The following CLASP1 variants were observed in gnomAD, a reference collection of about 807,000 sequenced individuals.
CLASP1 encodes CLIP-associating protein 1.
CLASP1 carries 38 observed loss-of-function variants against 192.3 expected under a neutral mutation model. The observed-to-expected ratio is 0.20, with a 90% CI of 0.15 to 0.26. The LOEUF (loss-of-function observed/expected upper bound fraction) is 0.26. Ranked by LOEUF, CLASP1 falls within the 10% of genes least tolerant of loss-of-function variation. The pLI is 1.00. For missense variants in CLASP1, 1,433 were observed against 1,932.5 expected (o/e 0.74, Z 4.85); for synonymous variants, 691 against 712.8 (o/e 0.97, Z 0.49).
chr2:121,424,620 A>G (rs1479712025), intron 22 of CLASP1, among the ~76,000 whole-genome samples: 1 of 152,244 alleles, frequency 6.6e-6, no homozygotes, highest in Non-Finnish European at 1.5e-5. Context: ...AAAACTAAAT[A>G]TTATGTATTG....
At chr2:121,457,906 C>G in intron 13 of CLASP1, 149 bp from the exon 14 acceptor site, 1 of 585,370 alleles carries the variant, frequency 1.7e-6, no homozygotes. Flanking sequence ...AAAGAATTCA[C>G]AGGATATTGT....
chr2:121,531,120 G>C (rs117072693), intron 2 of CLASP1: 14 of 628,834 alleles, frequency 2.2e-5, no homozygotes, highest in South Asian at 1.4e-4. Flanking sequence ...TTTTAGTGTC[G>C]CAAGTAAAGT....
At chr2:121,642,286 G>A (rs115337047) in intron 1 of CLASP1, among the ~76,000 whole-genome samples, 38 of 150,686 alleles carry the variant, frequency 2.5e-4, no homozygotes, top group Admixed American at 6.6e-4. Context: ...GGGTGGTGGC[G>A]CACACCTGGC....
At chr2:121,509,709 A>T (rs1402887424) in intron 7 of CLASP1, among the ~76,000 whole-genome samples, 1 of 152,118 alleles carries the variant, frequency 6.6e-6, no homozygotes, top group Admixed American at 6.5e-5. Context: ...GTGGTGGTAT[A>T]CATCTGTAAT....
At chr2:121,478,780 CACCCCACACACACCACACACCACA>C (rs2092099756) in intron 8 of CLASP1, among the ~76,000 whole-genome samples, 6 of 85,984 alleles carry the variant, frequency 7.0e-5, no homozygotes, top group Non-Finnish European at 1.2e-4. Flanking sequence ...CCCACACACA[CACCCCACACACACCACACACCACA>C]CACACACCCC....
chr2:121,373,103 G>T (rs866140731), intron 34 of CLASP1, among the ~76,000 whole-genome samples: 28 of 152,320 alleles, frequency 1.8e-4, no homozygotes, highest in African/African-American at 6.7e-4. Flanking sequence ...AATGTTCGGT[G>T]AGGAACCTGG....
intron 8 of CLASP1, among the ~76,000 whole-genome samples, chr2:121,484,938 G>A (rs1210742422): frequency 2.0e-5 from 3 of 152,176 alleles, no homozygotes; most frequent in Non-Finnish European, 4.4e-5. Flanking sequence ...AAACATTCAT[G>A]CTAACTGCCC....
intron 30 of CLASP1, among the ~76,000 whole-genome samples, chr2:121,396,657 T>C (rs1353386981): frequency 6.6e-6 from 1 of 152,226 alleles, no homozygotes; most frequent in Non-Finnish European, 1.5e-5. Flanking sequence ...AATACTTAAG[T>C]AACATTCCAT....
At chr2:121,356,803 A>C (rs966653569) in intron 37 of CLASP1, among the ~76,000 whole-genome samples, 2 of 152,132 alleles carry the variant, frequency 1.3e-5, no homozygotes, top group African/African-American at 4.8e-5. Context: ...AACACAATGG[A>C]TATCTTCAAA....
chr2:121,598,025 G>C (rs1375229336), intron 2 of CLASP1, among the ~76,000 whole-genome samples: 2 of 152,190 alleles, frequency 1.3e-5, no homozygotes, highest in African/African-American at 2.4e-5. Flanking sequence ...TTCCCTTTCT[G>C]CAAGTTTTAA....
At chr2:121,535,239 G>A (rs1453003805) in intron 2 of CLASP1, among the ~76,000 whole-genome samples, 4 of 152,178 alleles carry the variant, frequency 2.6e-5, no homozygotes, top group Non-Finnish European at 5.9e-5. Flanking sequence ...AGTGGAGATC[G>A]TGCCACTGCA....
At chr2:121,645,528 T>C (rs896196241) in intron 1 of CLASP1, among the ~76,000 whole-genome samples, 4 of 152,228 alleles carry the variant, frequency 2.6e-5, no homozygotes, top group Admixed American at 6.5e-5. Flanking sequence ...TCATACATTC[T>C]ACAGTTTCCA....
At chr2:121,503,184 A>T (rs1415708971) in exon 8 of CLASP1, 2 of 1,550,242 alleles carry the variant, frequency 1.3e-6, no homozygotes, top group South Asian at 1.2e-5. Flanking sequence ...AGATTGTATC[A>T]TGTTTCCAGA....
chr2:121,381,579 C>CATG (rs899581381), intron 33 of CLASP1, among the ~76,000 whole-genome samples: 1 of 152,202 alleles, frequency 6.6e-6, no homozygotes, highest in Non-Finnish European at 1.5e-5. Flanking sequence ...AACCAGTGTC[C>CATG]ATGATGCCGC....
At chr2:121,477,015 T>G (rs561572210) in intron 8 of CLASP1, among the ~76,000 whole-genome samples, 4 of 152,360 alleles carry the variant, frequency 2.6e-5, no homozygotes, top group Non-Finnish European at 5.9e-5. Flanking sequence ...CTATGCATTC[T>G]TGAAAACACA....
At chr2:121,403,530 T>C (rs1208087733) in intron 26 of CLASP1, 2 of 456,392 alleles carry the variant, frequency 4.4e-6, no homozygotes, top group Non-Finnish European at 8.8e-6. Flanking sequence ...CTAGGAAAAC[T>C]GTAGTTGATC....
At chr2:121,627,579 C>T (rs2068625635) in intron 1 of CLASP1, among the ~76,000 whole-genome samples, 3 of 152,244 alleles carry the variant, frequency 2.0e-5, no homozygotes, top group Admixed American at 6.5e-5. Context: ...GGTAAAGCTA[C>T]ACCTTAGGTG....
chr2:121,522,212 G>C (rs2094474131), intron 6 of CLASP1, among the ~76,000 whole-genome samples: 1 of 152,146 alleles, frequency 6.6e-6, no homozygotes, highest in African/African-American at 2.4e-5. Context: ...TTTTCAGAGT[G>C]CTCAATTTGG....
chr2:121,580,356 G>A (rs1216794210), intron 2 of CLASP1, among the ~76,000 whole-genome samples: 1 of 152,114 alleles, frequency 6.6e-6, no homozygotes, highest in Non-Finnish European at 1.5e-5. Flanking sequence ...ACTTGTAGAA[G>A]AAAATTTTAA....
Sources: gnomAD v4.1 joint callset for allele counts (sites outside exome capture counted in the v4.1 genomes callset) on GRCh38, gnomAD v4.1.1 for gene constraint, MANE v1.5 for transcripts, NCBI Gene and HGNC (gene_info 2026-07-23, HGNC 2026-07-21) for gene names.